The following ABCC4 variants were observed in gnomAD, a reference collection of about 807,000 sequenced individuals.
ABCC4 encodes the protein ATP binding cassette subfamily C member 4 (PEL blood group).
A neutral mutation model predicts 168.5 loss-of-function variants in ABCC4; 102 were observed. The ratio of observed to expected loss-of-function variants is 0.61; its 90% CI spans 0.52 to 0.71. ABCC4 has a LOEUF of 0.71. ABCC4 is among the 30% of genes least tolerant of loss of function. ABCC4 has a pLI of 0.00. For missense variants in ABCC4, 1,402 were observed against 1,605.8 expected (o/e 0.87, Z 2.17); for synonymous variants, 617 against 590.7 (o/e 1.04, Z -0.65).
At chr13:95,141,207 T>C (rs867096907) in intron 19 of ABCC4, among the ~76,000 whole-genome samples, 2 of 152,194 alleles carry the variant, frequency 1.3e-5, no homozygotes, top group Middle Eastern at 3.2e-3. Flanking sequence ...TCCTCTGACA[T>C]TACAAGTCGG....
chr13:95,148,309 G>A (rs768277504), intron 19 of ABCC4, among the ~76,000 whole-genome samples: 3 of 152,028 alleles, frequency 2.0e-5, no homozygotes, highest in African/African-American at 7.2e-5. Flanking sequence ...ATTCAGCAAG[G>A]AAGAGCTGAG....
At chr13:95,208,364 C>T (rs1337666355) in intron 6 of ABCC4, among the ~76,000 whole-genome samples, 2 of 149,596 alleles carry the variant, frequency 1.3e-5, no homozygotes, top group African/African-American at 2.5e-5. Flanking sequence ...TTCAGAGGAC[C>T]AGGAGCATTT....
intron 20 of ABCC4, among the ~76,000 whole-genome samples, chr13:95,088,383 T>C (rs548443688): frequency 6.6e-6 from 1 of 152,350 alleles, no homozygotes; most frequent in African/African-American, 2.4e-5. Context: ...TTTGAAAACA[T>C]GATTAATAAA....
chr13:95,256,361 T>C (rs1308330455), intron 1 of ABCC4, among the ~76,000 whole-genome samples: 3 of 152,240 alleles, frequency 2.0e-5, no homozygotes, highest in Non-Finnish European at 2.9e-5. Context: ...TGCCATACTA[T>C]ATAGTCAGCA....
chr13:95,217,417 C>T (rs1009488808), intron 4 of ABCC4, among the ~76,000 whole-genome samples: 2 of 152,064 alleles, frequency 1.3e-5, no homozygotes, highest in Admixed American at 1.3e-4. Context: ...GTCTTTCCCC[C>T]CTCTCTAATA....
At chr13:95,132,108 T>G (rs913072595) in intron 19 of ABCC4, among the ~76,000 whole-genome samples, 2 of 152,200 alleles carry the variant, frequency 1.3e-5, no homozygotes, top group Admixed American at 6.5e-5. Flanking sequence ...GTTGTCCCTC[T>G]CTATCTGTGT....
At chr13:95,270,995 T>C (rs1342760282) in intron 1 of ABCC4, among the ~76,000 whole-genome samples, 2 of 152,158 alleles carry the variant, frequency 1.3e-5, no homozygotes, top group South Asian at 2.1e-4. Context: ...CTCGGGAGGC[T>C]GAGGCAGGAG....
chr13:95,241,193 T>C (rs2039932282), intron 3 of ABCC4, among the ~76,000 whole-genome samples: 3 of 151,676 alleles, frequency 2.0e-5, no homozygotes, highest in African/African-American at 4.8e-5. Flanking sequence ...TGAAACCCCA[T>C]CTCTACTAAA....
intron 1 of ABCC4, among the ~76,000 whole-genome samples, chr13:95,261,408 C>T (rs1216418637): frequency 6.6e-6 from 1 of 152,050 alleles, no homozygotes; most frequent in Non-Finnish European, 1.5e-5. Context: ...AAAATCACAC[C>T]ACTGCAACTC....
chr13:95,048,917 G>A (rs993023001), intron 27 of ABCC4, among the ~76,000 whole-genome samples: 6 of 152,202 alleles, frequency 3.9e-5, no homozygotes, highest in South Asian at 4.1e-4. Flanking sequence ...CATTACTTAC[G>A]TTATATTTAC....
At chr13:95,206,450 G>T (rs3818494) in intron 8 of ABCC4, 82 bp downstream of exon 8, 2 of 1,547,414 alleles carry the variant, frequency 1.3e-6, no homozygotes, top group East Asian at 2.3e-5. Flanking sequence ...TCATTACACT[G>T]GAACATAGTG....
chr13:95,057,754 C>T (rs756806525), intron 26 of ABCC4, among the ~76,000 whole-genome samples: 1 of 152,206 alleles, frequency 6.6e-6, no homozygotes, highest in Non-Finnish European at 1.5e-5. Context: ...CCACACAACC[C>T]CAGGAAGCCA....
At chr13:95,088,445 A>T (rs933099825) in intron 20 of ABCC4, among the ~76,000 whole-genome samples, 15 of 152,230 alleles carry the variant, frequency 9.9e-5, no homozygotes, top group Non-Finnish European at 1.5e-5. Flanking sequence ...ATAACTGCAT[A>T]AACACACTTT....
At chr13:95,139,345 A>T (rs1305539968) in intron 19 of ABCC4, among the ~76,000 whole-genome samples, 1 of 152,206 alleles carries the variant, frequency 6.6e-6, no homozygotes, top group South Asian at 2.1e-4. Flanking sequence ...CGTTGATGTC[A>T]ATCAAAGGTG....
At chr13:95,199,360 A>G (rs377164949) in intron 8 of ABCC4, among the ~76,000 whole-genome samples, 4 of 151,976 alleles carry the variant, frequency 2.6e-5, no homozygotes, top group East Asian at 3.9e-4. Context: ...AATTCATTAC[A>G]CTCATCATTT....
intron 1 of ABCC4, among the ~76,000 whole-genome samples, chr13:95,260,856 C>T (rs1474334170): frequency 6.6e-6 from 1 of 151,628 alleles, no homozygotes; most frequent in East Asian, 1.9e-4. Flanking sequence ...GAAACTTCAC[C>T]AATACAGTGA....
intron 4 of ABCC4, among the ~76,000 whole-genome samples, chr13:95,228,765 A>G (rs75778550): frequency 1.6e-5 from 2 of 123,934 alleles, no homozygotes; most frequent in African/African-American, 7.7e-5. Flanking sequence ...CTCTGTCTTG[A>G]AAAAAAAAAA....
At chr13:95,288,228 C>T (rs2041310361) in intron 1 of ABCC4, among the ~76,000 whole-genome samples, 1 of 152,088 alleles carries the variant, frequency 6.6e-6, no homozygotes, top group Non-Finnish European at 1.5e-5. Flanking sequence ...CTTCTGGCTC[C>T]AGTCTGAGGC....
Position 95,098,051 on chromosome 13 carries a change from G to A in ABCC4, c.2536-14761C>T, listed in dbSNP as rs113756618. 8.7e-3 allele frequency among the ~76,000 whole-genome samples: 1,300 copies of A among 150,156 alleles called. 12 individuals carry two copies. The highest frequency in any genetic ancestry group is 0.03 in the African/African-American group (1,214 of 40,548). On this transcript the variant is annotated intron_variant, in intron 20 of 30. Transcript: ENST00000645237. ...TTCAACAGGCTGAGGCACAAGAATC[G>A]CTTGAACCTGGGAGGTGGAGGTTGC...
Sources: allele counts gnomAD v4.1 joint callset (sites outside exome capture counted in the v4.1 genomes callset), GRCh38; gene constraint gnomAD v4.1.1; transcripts MANE v1.5; gene names NCBI Gene and HGNC (gene_info 2026-07-23, HGNC 2026-07-21).